The following LIMS4 variants were observed in gnomAD, a reference collection of about 807,000 sequenced individuals.
The protein encoded by LIMS4 is LIM zinc finger domain containing 4.
chr2:110,362,056 C>T, the LIMS4 span: 3 of 1,281,482 alleles, frequency 2.3e-6, no homozygotes, highest in Non-Finnish European at 3.3e-6. Context: ...TGGCCCTGCA[C>T]TCAGGGCAGG....
the LIMS4 span, among the ~76,000 whole-genome samples, chr2:110,389,788 G>A: frequency 2.3e-4 from 33 of 145,318 alleles, 4 homozygotes; most frequent in African/African-American, 8.5e-4. Context: ...TCCTGGGTAG[G>A]TAACAAAGGG....
chr2:110,371,215 ACT>A, the LIMS4 span, among the ~76,000 whole-genome samples: 2 of 115,406 alleles, frequency 1.7e-5, no homozygotes, highest in Non-Finnish European at 3.4e-5. Flanking sequence ...ACAAATACTT[ACT>A]GTTTCGTTTC....
At chr2:110,395,922 A>G in the LIMS4 span, among the ~76,000 whole-genome samples, 4 of 140,638 alleles carry the variant, frequency 2.8e-5, no homozygotes, top group Admixed American at 7.1e-5. Flanking sequence ...ATAAAACCAG[A>G]GGCACATACC....
intron 3 of LIMS4, among the ~76,000 whole-genome samples, chr2:110,456,616 AT>A (rs1436571765): frequency 1.3e-5 from 2 of 151,094 alleles, no homozygotes; most frequent in African/African-American, 4.9e-5. Flanking sequence ...TCCAACAGTT[AT>A]TCATAATGAG....
chr2:110,366,943 AGAC>A, the LIMS4 span, among the ~76,000 whole-genome samples: 2,038 of 139,194 alleles, frequency 0.015, 3 homozygotes, highest in Non-Finnish European at 0.022. Flanking sequence ...AATTCACAAT[AGAC>A]ACACACACAC....
chr2:110,371,244 A>AG, the LIMS4 span, among the ~76,000 whole-genome samples: 1 of 128,316 alleles, frequency 7.8e-6, no homozygotes, highest in Admixed American at 7.7e-5. Context: ...TGAGAAAAAA[A>AG]AAAAAAAAAA....
At chr2:110,411,395 C>T in the LIMS4 span, among the ~76,000 whole-genome samples, 1 of 139,910 alleles carries the variant, frequency 7.1e-6, no homozygotes, top group Non-Finnish European at 1.5e-5. Context: ...TGAACACACA[C>T]CAACTTTAAG....
chr2:110,366,482 A>C, the LIMS4 span, among the ~76,000 whole-genome samples: 1 of 151,460 alleles, frequency 6.6e-6, no homozygotes, highest in East Asian at 1.9e-4. Context: ...CTTTTGATAA[A>C]ATTCAACATC....
At chr2:110,361,083 G>C in the LIMS4 span, 1 of 802,102 alleles carries the variant, frequency 1.2e-6, no homozygotes, top group Non-Finnish European at 2.1e-6. Flanking sequence ...TTCCACTTGG[G>C]ACTGGGGACC....
At chr2:110,411,465 A>T in the LIMS4 span, among the ~76,000 whole-genome samples, 1 of 137,148 alleles carries the variant, frequency 7.3e-6, no homozygotes, top group Non-Finnish European at 1.5e-5. Flanking sequence ...GAGGCTTTTT[A>T]AAAAAATTGC....
At chr2:110,367,938 A>G in the LIMS4 span, among the ~76,000 whole-genome samples, 5,278 of 134,698 alleles carry the variant, frequency 0.039, 206 homozygotes, top group Admixed American at 0.07. Flanking sequence ...AAATGTCACC[A>G]AATGATACAC....
the LIMS4 span, chr2:110,361,044 G>A: frequency 4.3e-6 from 6 of 1,390,818 alleles, no homozygotes; most frequent in Non-Finnish European, 6.0e-6. Flanking sequence ...CCTCTGGGAG[G>A]CCTGAACTCC....
chr2:110,389,724 G>A, the LIMS4 span, among the ~76,000 whole-genome samples: 1 of 139,530 alleles, frequency 7.2e-6, no homozygotes, highest in Admixed American at 7.2e-5. Context: ...CCACAGACAC[G>A]CACAAGCTGA....
chr2:110,366,440 CCA>C, the LIMS4 span, among the ~76,000 whole-genome samples: 6 of 152,002 alleles, frequency 3.9e-5, no homozygotes, highest in African/African-American at 1.5e-4. Flanking sequence ...AAAACAAAAA[CCA>C]CATAATCATC....
At chr2:110,385,343 A>G in the LIMS4 span, among the ~76,000 whole-genome samples, 1 of 141,658 alleles carries the variant, frequency 7.1e-6, no homozygotes, top group African/African-American at 2.9e-5. Context: ...GGCCCACAAA[A>G]GCCTCCAATG....
At chr2:110,372,680 A>AT in the LIMS4 span, among the ~76,000 whole-genome samples, 1 of 148,842 alleles carries the variant, frequency 6.7e-6, no homozygotes, top group Non-Finnish European at 1.5e-5. Context: ...TGATTTTTGT[A>AT]TTTTTAGTAG....
the LIMS4 span, among the ~76,000 whole-genome samples, chr2:110,371,254 A>C: frequency 1.6e-5 from 2 of 127,456 alleles, 1 homozygote; most frequent in Non-Finnish European, 3.1e-5. Flanking sequence ...AAAAAAAAAA[A>C]ACAAGTCTTT....
At chr2:110,425,162 CAA>C in the LIMS4 span, among the ~76,000 whole-genome samples, 28 of 143,496 alleles carry the variant, frequency 2.0e-4, 2 homozygotes, top group Non-Finnish European at 3.7e-4. Context: ...ACTCCAGACA[CAA>C]GAGGATTGTT....
chr2:110,361,142 A>C, the LIMS4 span: 1 of 961,718 alleles, frequency 1.0e-6, no homozygotes, highest in East Asian at 2.4e-5. Flanking sequence ...GGCGTCTATC[A>C]TTTCTTTCAG....
Sources: allele counts gnomAD v4.1 joint callset (sites outside exome capture counted in the v4.1 genomes callset), GRCh38; gene constraint gnomAD v4.1.1; transcripts MANE v1.5; gene names NCBI Gene and HGNC (gene_info 2026-07-23, HGNC 2026-07-21).